Variants in LSAMP observed in about 807,000 individuals in gnomAD.
LSAMP encodes the protein limbic system associated membrane protein, also known as limbic system-associated membrane protein.
A neutral mutation model predicts 38.6 loss-of-function variants in LSAMP; 7 were observed. The ratio of observed to expected loss-of-function variants is 0.18; its 90% CI spans 0.10 to 0.34. The LOEUF (loss-of-function observed/expected upper bound fraction) is 0.34, where lower values mean the gene tolerates loss of function less well. LSAMP is among the 10% of genes least tolerant of loss of function. LSAMP has a pLI of 1.00. For missense variants in LSAMP, 313 were observed against 420.0 expected (o/e 0.75, Z 2.23); for synonymous variants, 154 against 166.8 (o/e 0.92, Z 0.59).
chr3:116,271,170 T>A (rs115182509), intron 1 of LSAMP, among the ~76,000 whole-genome samples: 1,659 of 152,212 alleles, frequency 0.011, 26 homozygotes, highest in African/African-American at 0.037. Flanking sequence ...TTCAGCTATT[T>A]CATATGCAAC....
At chr3:116,041,803 A>G (rs1225966104) in intron 2 of LSAMP, among the ~76,000 whole-genome samples, 2 of 147,068 alleles carry the variant, frequency 1.4e-5, no homozygotes, top group Admixed American at 6.7e-5. Context: ...ATGCAAAAAA[A>G]AACAAAACAA....
intron 3 of LSAMP, among the ~76,000 whole-genome samples, chr3:116,019,143 T>G (rs1475992852): frequency 1.0e-5 from 1 of 100,480 alleles, no homozygotes; most frequent in East Asian, 3.4e-4. Flanking sequence ...CTTCTGTATT[T>G]GTTGCATTGT....
intron 1 of LSAMP, among the ~76,000 whole-genome samples, chr3:116,147,526 C>T (rs890812556): frequency 6.6e-6 from 1 of 151,962 alleles, no homozygotes; most frequent in Non-Finnish European, 1.5e-5. Flanking sequence ...TATCCTGGTT[C>T]ATGGTGATCA....
At chr3:116,197,069 C>G (rs1313709723) in intron 1 of LSAMP, among the ~76,000 whole-genome samples, 1 of 151,328 alleles carries the variant, frequency 6.6e-6, no homozygotes, top group Admixed American at 6.6e-5. Flanking sequence ...TACTTTGTAT[C>G]AGCAGTCTCT....
At chr3:116,252,162 C>A (rs971084687) in intron 1 of LSAMP, among the ~76,000 whole-genome samples, 1 of 152,198 alleles carries the variant, frequency 6.6e-6, no homozygotes, top group Non-Finnish European at 1.5e-5. Flanking sequence ...TATACACAGC[C>A]TATCCTATGC....
At chr3:116,107,044 T>G (rs1708484135) in intron 1 of LSAMP, among the ~76,000 whole-genome samples, 1 of 152,112 alleles carries the variant, frequency 6.6e-6, no homozygotes, top group Non-Finnish European at 1.5e-5. Context: ...GGTGTGTGGT[T>G]ATTAGGCCTG....
At chr3:116,383,058 A>T (rs2107803654) in intron 1 of LSAMP, among the ~76,000 whole-genome samples, 1 of 152,282 alleles carries the variant, frequency 6.6e-6, no homozygotes, top group African/African-American at 2.4e-5. Context: ...TGAGATAAAA[A>T]GGGATCTGAG....
chr3:116,282,768 C>A (rs1392743624), intron 1 of LSAMP, among the ~76,000 whole-genome samples: 3 of 151,950 alleles, frequency 2.0e-5, no homozygotes, highest in East Asian at 1.9e-4. Flanking sequence ...CCCCACCCCC[C>A]AAAAAAATGA....
chr3:115,872,612 A>G (rs1255727106), intron 3 of LSAMP, among the ~76,000 whole-genome samples: 1 of 152,160 alleles, frequency 6.6e-6, no homozygotes, highest in Admixed American at 6.6e-5. Flanking sequence ...AGAAGTGTTT[A>G]AATGGTATGC....
At chr3:116,171,262 C>G (rs1432430091) in intron 1 of LSAMP, among the ~76,000 whole-genome samples, 1 of 152,008 alleles carries the variant, frequency 6.6e-6, no homozygotes, top group African/African-American at 2.4e-5. Flanking sequence ...ACATTCTATA[C>G]CAATTGCTGA....
chr3:116,062,574 GTCTC>G lies in LSAMP; in HGVS notation c.388+23746_388+23749del, dbSNP rs72101045. ...AGTGTGAAATCCAAAGTGCAGGAGG[GTCTC>G]TCTCTCTCTCTCCCTTTCTTTTCCT... On this transcript the variant is annotated intron_variant, in intron 2 of 6. Transcript: ENST00000490035. Among the ~76,000 whole-genome samples the G allele has an allele frequency of 9.1e-3, 1,374 of 151,416 alleles. 25 individuals carry two copies. The highest frequency in any genetic ancestry group is 0.03 in the African/African-American group (1,240 of 41,372).
chr3:116,079,440 C>G (rs747928163), intron 2 of LSAMP, among the ~76,000 whole-genome samples: 7 of 152,106 alleles, frequency 4.6e-5, no homozygotes, highest in African/African-American at 1.7e-4. Flanking sequence ...AGGCAGATCA[C>G]GAGGTCAGTA....
intron 1 of LSAMP, among the ~76,000 whole-genome samples, chr3:116,176,285 G>A (rs1240471585): frequency 1.3e-5 from 2 of 152,134 alleles, no homozygotes; most frequent in African/African-American, 4.8e-5. Flanking sequence ...AAAAGAGGTA[G>A]GGAGGTATTA....
intron 3 of LSAMP, among the ~76,000 whole-genome samples, chr3:115,854,102 C>T (rs560675172): frequency 4.6e-5 from 7 of 151,878 alleles, no homozygotes; most frequent in Non-Finnish European, 1.0e-4. Flanking sequence ...GTCAATATCA[C>T]TAGTTTTGAG....
intron 3 of LSAMP, among the ~76,000 whole-genome samples, chr3:116,011,457 A>G (rs1374472287): frequency 2.0e-5 from 3 of 152,192 alleles, no homozygotes; most frequent in South Asian, 4.1e-4. Context: ...TAAAAGGAGT[A>G]TAATTTCAAG....
chr3:116,306,954 C>T (rs2047492651), intron 1 of LSAMP, among the ~76,000 whole-genome samples: 1 of 151,922 alleles, frequency 6.6e-6, no homozygotes, highest in African/African-American at 2.4e-5. Context: ...AACTACAACT[C>T]ATTGTCAATC....
chr3:116,033,328 CATT>C (rs1940970808), intron 2 of LSAMP, among the ~76,000 whole-genome samples: 2 of 152,242 alleles, frequency 1.3e-5, no homozygotes, highest in South Asian at 4.1e-4. Context: ...GCAAGCCTCT[CATT>C]AATCTTGAGC....
intron 1 of LSAMP, among the ~76,000 whole-genome samples, chr3:116,207,456 G>A (rs1033693210): frequency 1.2e-4 from 18 of 149,186 alleles, no homozygotes; most frequent in African/African-American, 4.2e-4. Flanking sequence ...TATGATGTTA[G>A]CTGGTGATTT....
intron 1 of LSAMP, among the ~76,000 whole-genome samples, chr3:116,337,101 A>G (rs1486769592): frequency 2.6e-5 from 4 of 152,006 alleles, no homozygotes; most frequent in Non-Finnish European, 5.9e-5. Flanking sequence ...GATTGAACTT[A>G]TGAGGTACTT....
Sources: gnomAD v4.1 joint callset for allele counts (sites outside exome capture counted in the v4.1 genomes callset) on GRCh38, gnomAD v4.1.1 for gene constraint, MANE v1.5 for transcripts, NCBI Gene and HGNC (gene_info 2026-07-23, HGNC 2026-07-21) for gene names.